LOC128462377: variants seen among roughly 807,000 people sequenced by gnomAD.
At chr16:89,376,718 C>T in the LOC128462377 span, among the ~76,000 whole-genome samples, 6 of 152,182 alleles carry the variant, frequency 3.9e-5, no homozygotes, top group East Asian at 3.8e-4. Context: ...GGATTACAGG[C>T]GTGCGCCACC....
chr16:89,336,441 A>C, the LOC128462377 span, among the ~76,000 whole-genome samples: 1 of 152,198 alleles, frequency 6.6e-6, no homozygotes, highest in Non-Finnish European at 1.5e-5. Context: ...CTGTGGTGCT[A>C]GGGACCAGGT....
the LOC128462377 span, among the ~76,000 whole-genome samples, chr16:89,376,743 C>T: frequency 6.6e-6 from 1 of 152,158 alleles, no homozygotes; most frequent in African/African-American, 2.4e-5. Flanking sequence ...CTGGCCCTGC[C>T]TGAACAGGTT....
the LOC128462377 span, among the ~76,000 whole-genome samples, chr16:89,399,542 G>T: frequency 6.6e-6 from 1 of 152,166 alleles, no homozygotes; most frequent in Non-Finnish European, 1.5e-5. Flanking sequence ...GAACACGGGG[G>T]ACCTGGGGCA....
chr16:89,381,235 G>A, the LOC128462377 span, among the ~76,000 whole-genome samples: 3 of 151,828 alleles, frequency 2.0e-5, no homozygotes, highest in African/African-American at 7.3e-5. Context: ...GGGAGGCTGA[G>A]GCAGGAGAAT....
At chr16:89,378,314 G>C in the LOC128462377 span, among the ~76,000 whole-genome samples, 1 of 152,140 alleles carries the variant, frequency 6.6e-6, no homozygotes, top group African/African-American at 2.4e-5. Flanking sequence ...GGTTATATGT[G>C]GACTTGACTG....
At chr16:89,387,446 G>T in the LOC128462377 span, among the ~76,000 whole-genome samples, 1 of 151,910 alleles carries the variant, frequency 6.6e-6, no homozygotes, top group Non-Finnish European at 1.5e-5. Context: ...GCTGAGGCGG[G>T]CAGATCACGA....
At chr16:89,358,318 T>G in the LOC128462377 span, among the ~76,000 whole-genome samples, 1 of 152,244 alleles carries the variant, frequency 6.6e-6, no homozygotes, top group Non-Finnish European at 1.5e-5. Flanking sequence ...ACATCACAGC[T>G]GCATATTCAC....
chr16:89,398,132 CTG>C, the LOC128462377 span, among the ~76,000 whole-genome samples: 2 of 151,598 alleles, frequency 1.3e-5, no homozygotes, highest in African/African-American at 4.9e-5. Context: ...AAGAGGGACA[CTG>C]TGAAACAGCT....
At chr16:89,382,515 C>T in the LOC128462377 span, among the ~76,000 whole-genome samples, 6 of 151,372 alleles carry the variant, frequency 4.0e-5, no homozygotes, top group Non-Finnish European at 7.4e-5. Flanking sequence ...TTAATAGAGA[C>T]GGGATTTCAC....
the LOC128462377 span, among the ~76,000 whole-genome samples, chr16:89,403,045 G>A: frequency 3.9e-5 from 6 of 152,140 alleles, no homozygotes; most frequent in Admixed American, 6.6e-5. Flanking sequence ...GCACTGCCTC[G>A]CTCAACTGCG....
chr16:89,404,330 G>C, the LOC128462377 span, among the ~76,000 whole-genome samples: 1 of 152,162 alleles, frequency 6.6e-6, no homozygotes, highest in Non-Finnish European at 1.5e-5. Context: ...AAGGAAAATG[G>C]AAGTGCAGGA....
chr16:89,381,354 A>AAAAAAAAAAAAAGGG, the LOC128462377 span, among the ~76,000 whole-genome samples: 4 of 125,344 alleles, frequency 3.2e-5, no homozygotes, highest in African/African-American at 1.3e-4. Context: ...AAAAAAAAAA[A>AAAAAAAAAAAAAGGG]GGGGTGAGAA....
chr16:89,382,771 G>C, the LOC128462377 span, among the ~76,000 whole-genome samples: 1 of 152,186 alleles, frequency 6.6e-6, no homozygotes, highest in Non-Finnish European at 1.5e-5. Flanking sequence ...TGAGTCAACT[G>C]TGTTCAGCTG....
the LOC128462377 span, among the ~76,000 whole-genome samples, chr16:89,352,703 T>C: frequency 6.6e-6 from 1 of 152,188 alleles, no homozygotes; most frequent in Non-Finnish European, 1.5e-5. Flanking sequence ...TTCACCAGTT[T>C]ATTGAAGCCT....
At chr16:89,415,943 C>T in the LOC128462377 span, among the ~76,000 whole-genome samples, 232 of 151,924 alleles carry the variant, frequency 1.5e-3, no homozygotes, top group Non-Finnish European at 2.0e-3. Context: ...CCAACCTCTG[C>T]TCAGCAGGGC....
At chr16:89,343,844 G>A in the LOC128462377 span, 1 of 152,300 alleles carries the variant, frequency 6.6e-6, no homozygotes, top group Non-Finnish European at 1.5e-5. Context: ...ATGCTTCGCA[G>A]GCGGTAAGGC....
the LOC128462377 span, chr16:89,373,534 G>A: frequency 2.0e-5 from 3 of 152,278 alleles, no homozygotes; most frequent in Admixed American, 6.5e-5. Context: ...ACGGCTGCAA[G>A]GGGAGGCTAA....
At chr16:89,341,926 G>C in the LOC128462377 span, among the ~76,000 whole-genome samples, 1 of 150,924 alleles carries the variant, frequency 6.6e-6, no homozygotes, top group East Asian at 2.0e-4. Context: ...GCCCACGGCG[G>C]GAGTGCTGCA....
At chr16:89,397,459 G>A in the LOC128462377 span, among the ~76,000 whole-genome samples, 2 of 152,230 alleles carry the variant, frequency 1.3e-5, no homozygotes, top group Non-Finnish European at 2.9e-5. Flanking sequence ...CCACACAGGG[G>A]GACCCACAGG....
Sources: gnomAD v4.1 joint callset for allele counts (sites outside exome capture counted in the v4.1 genomes callset) on GRCh38, gnomAD v4.1.1 for gene constraint, MANE v1.5 for transcripts.